Variants in DOCK7 observed in about 807,000 individuals in gnomAD.
DOCK7 encodes dedicator of cytokinesis 7.
Under a neutral mutation model 271.0 loss-of-function variants are expected in DOCK7, and 138 were observed. The ratio of observed to expected loss-of-function variants is 0.51; its 90% confidence interval spans 0.44 to 0.59. The LOEUF is 0.59. Among genes scored for constraint, DOCK7 ranks in the 20% least tolerant of loss-of-function variants. The pLI is 0.00. For synonymous variants in DOCK7, 823 were observed against 876.1 expected (o/e 0.94, Z 1.07); for missense variants, 2,066 against 2,592.4 (o/e 0.80, Z 4.41).
chr1:62,568,115 C>G (rs1349741625), intron 18 of DOCK7, among the ~76,000 whole-genome samples: 1 of 152,000 alleles, frequency 6.6e-6, no homozygotes, highest in Non-Finnish European at 1.5e-5. Flanking sequence ...AACCACACAA[C>G]TACACGGAAA....
chr1:62,669,697 T>G (rs1659711464), intron 1 of DOCK7, among the ~76,000 whole-genome samples: 1 of 152,210 alleles, frequency 6.6e-6, no homozygotes, highest in South Asian at 2.1e-4. Context: ...AAGTCAAAAC[T>G]TCATCTTATT....
chr1:62,655,930 A>G (rs1052457125), intron 2 of DOCK7, among the ~76,000 whole-genome samples: 2 of 152,176 alleles, frequency 1.3e-5, no homozygotes, highest in African/African-American at 4.8e-5. Context: ...CTGAAAATAT[A>G]ATAGCCACAA....
At chr1:62,658,672 G>A (rs1482315542) in intron 2 of DOCK7, among the ~76,000 whole-genome samples, 12 of 151,600 alleles carry the variant, frequency 7.9e-5, no homozygotes, top group Non-Finnish European at 1.5e-4. Context: ...GGGGAAGGCC[G>A]GGCGCAGTAG....
chr1:62,462,399 C>T (rs1016396103), intron 48 of DOCK7, among the ~76,000 whole-genome samples: 8 of 152,102 alleles, frequency 5.3e-5, no homozygotes, highest in South Asian at 2.1e-4. Context: ...TATTATAAAG[C>T]GGCAGTAGTT....
chr1:62,678,000 CA>C (rs1213858840), intron 1 of DOCK7, among the ~76,000 whole-genome samples: 3 of 152,148 alleles, frequency 2.0e-5, no homozygotes, highest in Admixed American at 2.0e-4. Context: ...TGGTGGTGCA[CA>C]CCTGTAGTTC....
chr1:62,565,543 T>C (rs917281083), intron 18 of DOCK7, among the ~76,000 whole-genome samples: 2 of 151,970 alleles, frequency 1.3e-5, no homozygotes, highest in Non-Finnish European at 2.9e-5. Context: ...ATAAACTAGG[T>C]ATTGATGGAA....
At chr1:62,590,279 G>C (rs1648241847) in intron 14 of DOCK7, among the ~76,000 whole-genome samples, 1 of 152,154 alleles carries the variant, frequency 6.6e-6, no homozygotes, top group South Asian at 2.1e-4. Context: ...AATAATTGGA[G>C]ACAGACTATG....
chr1:62,554,403 C>T (rs1043850581), intron 21 of DOCK7, among the ~76,000 whole-genome samples: 1 of 129,868 alleles, frequency 7.7e-6, no homozygotes, highest in South Asian at 2.5e-4. Flanking sequence ...ACCCGGGAAG[C>T]GGAGCTTGCA....
chr1:62,528,361 T>C, intron 30 of DOCK7, 56 bp from the exon 31 acceptor site: 1 of 1,479,782 alleles, frequency 6.8e-7, no homozygotes, highest in South Asian at 1.3e-5. Context: ...ACTAATTCCC[T>C]TTCCTATTCT....
intron 43 of DOCK7, chr1:62,486,017 C>G (rs1646281515): frequency 1.3e-5 from 2 of 152,010 alleles, no homozygotes; most frequent in Admixed American, 1.3e-4. Flanking sequence ...ATCACGGAAA[C>G]TAGTAATAAA....
chr1:62,622,657 A>C (rs1653413187), intron 12 of DOCK7, among the ~76,000 whole-genome samples: 1 of 151,700 alleles, frequency 6.6e-6, no homozygotes, highest in Non-Finnish European at 1.5e-5. Context: ...TCGGCCAGGC[A>C]CGGCGTCTCA....
chr1:62,489,596 T>C (rs563452194), intron 41 of DOCK7, among the ~76,000 whole-genome samples: 72 of 152,364 alleles, frequency 4.7e-4, no homozygotes, highest in African/African-American at 1.7e-3. Flanking sequence ...TGTATGTAGA[T>C]ATGTGTATGT....
intron 8 of DOCK7, among the ~76,000 whole-genome samples, chr1:62,636,184 G>A (rs951035637): frequency 6.6e-6 from 1 of 152,152 alleles, no homozygotes; most frequent in Non-Finnish European, 1.5e-5. Context: ...CCTGGGAGGC[G>A]GAGCTTGCGC....
intron 12 of DOCK7, among the ~76,000 whole-genome samples, chr1:62,620,880 T>G: frequency 1.4e-5 from 1 of 72,988 alleles, no homozygotes; most frequent in Non-Finnish European, 2.5e-5. Flanking sequence ...AAAGACTCCG[T>G]CTCAAAAAAA....
intron 2 of DOCK7, among the ~76,000 whole-genome samples, chr1:62,656,146 A>G (rs1451840987): frequency 6.6e-6 from 1 of 152,242 alleles, no homozygotes; most frequent in Non-Finnish European, 1.5e-5. Flanking sequence ...CACATATAAA[A>G]AATGAACCCC....
At chr1:62,545,121 A>T in intron 22 of DOCK7, 82 bp from the exon 23 acceptor site, 1 of 1,286,004 alleles carries the variant, frequency 7.8e-7, no homozygotes, top group East Asian at 2.6e-5. Flanking sequence ...AGAAATTCAG[A>T]TCTTCTAATG....
At chr1:62,491,889 A>G in intron 41 of DOCK7, among the ~76,000 whole-genome samples, 1 of 152,222 alleles carries the variant, frequency 6.6e-6, no homozygotes, top group East Asian at 1.9e-4. Context: ...TACAAATCAC[A>G]TGCTGGTTAA....
intron 29 of DOCK7, among the ~76,000 whole-genome samples, chr1:62,534,114 C>T (rs1281598015): frequency 6.6e-6 from 1 of 151,954 alleles, no homozygotes; most frequent in Non-Finnish European, 1.5e-5. Context: ...TTCTCATGCT[C>T]CAGCCTCCCG....
intron 16 of DOCK7, among the ~76,000 whole-genome samples, chr1:62,579,670 C>CT (rs1288999310): frequency 2.3e-5 from 3 of 128,984 alleles, no homozygotes; most frequent in African/African-American, 8.8e-5. Context: ...CCACTGCACT[C>CT]TGGCCTAGGT....
Sources: allele counts gnomAD v4.1 joint callset (sites outside exome capture counted in the v4.1 genomes callset), GRCh38; gene constraint gnomAD v4.1.1; transcripts MANE v1.5; gene names NCBI Gene and HGNC (gene_info 2026-07-23, HGNC 2026-07-21).